The following CFAP43 variants were observed in gnomAD, a reference collection of about 807,000 sequenced individuals.
CFAP43 encodes cilia and flagella associated protein 43.
In CFAP43, 155 loss-of-function variants were observed where a neutral mutation model predicts 218.9. The observed-to-expected ratio is 0.71, with a 90% CI of 0.62 to 0.81. CFAP43 has a LOEUF of 0.81. Ranked by LOEUF, CFAP43 falls within the 30% of genes least tolerant of loss-of-function variation. The pLI is 0.00. For synonymous variants in CFAP43, 645 were observed against 681.3 expected, an observed-to-expected ratio of 0.95 and a Z score of 0.83; for missense variants, 1,778 against 1,954.3, an observed-to-expected ratio of 0.91 and a Z score of 1.70.
At position 104,135,829 on chromosome 10, in the gene CFAP43, C is replaced by CT. The variant is rs937489884; in HGVS notation, c.4432-2046dup. On this transcript the variant is annotated intron_variant, in intron 34 of 37. Coordinates refer to ENST00000357060, the MANE Select transcript of CFAP43 (RefSeq NM_025145.7). ...GCAATCACTGCCAAAATTTCAATGG[C>CT]TTTTTTTTTTCAAATGGAAAAACCT... Among the ~76,000 whole-genome samples, 347 of 147,686 alleles carry CT rather than the reference C, an allele frequency of 2.3e-3. 2 individuals carry two copies. The highest frequency in any genetic ancestry group is 7.6e-3 in the African/African-American group (308 of 40,330).
chr10:104,175,771 T>G (rs1336324108), intron 19 of CFAP43, among the ~76,000 whole-genome samples: 1 of 152,256 alleles, frequency 6.6e-6, no homozygotes. Flanking sequence ...AAGTTTCTAC[T>G]GAATGTGCGT....
At chr10:104,192,413 T>C (rs2090256350) in intron 11 of CFAP43, 111 bp from the exon 12 acceptor site, 5 of 796,858 alleles carry the variant, frequency 6.3e-6, no homozygotes, top group Non-Finnish European at 1.0e-5. Flanking sequence ...ATTTTTACGG[T>C]TTGCAATTTT....
intron 29 of CFAP43, 120 bp downstream of exon 29, chr10:104,147,771 C>T: frequency 3.7e-6 from 2 of 538,060 alleles, no homozygotes; most frequent in South Asian, 1.3e-4. Flanking sequence ...AAGGGATGCA[C>T]ATGGTTATGT....
chr10:104,200,670 CAAAAAAAAAAAAA>C (rs71022722), intron 8 of CFAP43, among the ~76,000 whole-genome samples: 327 of 22,658 alleles, frequency 0.014, 4 homozygotes, highest in South Asian at 0.039. Context: ...GACTCTGTCT[CAAAAAAAAAAAAA>C]AAAAAAAAAA....
At position 104,152,658 on chromosome 10, in the gene CFAP43, A is replaced by G; in HGVS notation, c.3609T>C (p.His1203=). 1 of 1,613,844 alleles carries G rather than the reference A, an allele frequency of 6.2e-7. No homozygotes were observed. Among genetic ancestry groups the G allele is most frequent in the Non-Finnish European group, 8.5e-7 (1 of 1,179,860 alleles). ...IQESTQAFDE[H]LKRLFERRVK... ...CTCTCCTTTCAAAAAGTCTTTTCAA[A>G]TGTTCATCAAAGGCCTGTGTGCTTT... Residue 1203 remains histidine, a synonymous_variant, in exon 28 of 38, where the codon CAT becomes CAC. Coordinates refer to ENST00000357060, the MANE Select transcript of CFAP43 (RefSeq NM_025145.7).
Position 104,167,700 on chromosome 10 carries a change from A to T in CFAP43, c.2729T>A (p.Met910Lys), listed in dbSNP as rs755067932. Reference protein sequence around the residue: ...HIPCVVENFPMKARTVEELKE... With the variant: ...HIPCVVENFPKKARTVEELKE... Reference sequence around the variant, plus strand: ...CAGCTCTTCAACCGTGCGCGCTTTCATCGGGAAGTTTTCAACCACACAGGG... The same window carrying T: ...CAGCTCTTCAACCGTGCGCGCTTTCTTCGGGAAGTTTTCAACCACACAGGG... The change falls in exon 22 of 38, where the codon ATG (methionine) becomes AAG (lysine). Residue 910 changes from methionine to lysine, a missense_variant. Coordinates refer to ENST00000357060, the MANE Select transcript of CFAP43 (RefSeq NM_025145.7). 3 of 1,611,082 alleles carry T rather than the reference A, an allele frequency of 1.9e-6. No individual in the cohort carries two copies. In the South Asian group the frequency reaches 3.3e-5, roughly 18 times the overall value.
At chr10:104,177,461 A>G (rs2089672629) in intron 19 of CFAP43, among the ~76,000 whole-genome samples, 1 of 152,182 alleles carries the variant, frequency 6.6e-6, no homozygotes, top group African/African-American at 2.4e-5. Flanking sequence ...CCCTGGTCTT[A>G]GTCTTCTGCC....
intron 27 of CFAP43, among the ~76,000 whole-genome samples, chr10:104,153,773 TCTC>T (rs1186335529): frequency 6.6e-6 from 1 of 151,942 alleles, no homozygotes; most frequent in African/African-American, 2.4e-5. Context: ...TCTCTCTCTC[TCTC>T]TCTCTCTTCT....
At chr10:104,219,866 G>A (rs1234728527) in intron 3 of CFAP43, among the ~76,000 whole-genome samples, 1 of 152,054 alleles carries the variant, frequency 6.6e-6, no homozygotes, top group Admixed American at 6.6e-5. Flanking sequence ...CTCTGCCTAG[G>A]ATGTTCTTTC....
chr10:104,208,226 G>GT (rs922685535), intron 5 of CFAP43, among the ~76,000 whole-genome samples: 3 of 151,958 alleles, frequency 2.0e-5, no homozygotes, highest in South Asian at 4.1e-4. Flanking sequence ...AGTTTCCTGA[G>GT]TTTTTTTTAT....
intron 10 of CFAP43, among the ~76,000 whole-genome samples, chr10:104,196,528 TCC>T (rs2090385841): frequency 6.6e-6 from 1 of 152,124 alleles, no homozygotes; most frequent in African/African-American, 2.4e-5. Flanking sequence ...TCAGCCTGGC[TCC>T]CTGAGAGACT....
At chr10:104,141,176 T>A (rs934256564) in intron 33 of CFAP43, among the ~76,000 whole-genome samples, 175 bp from the exon 34 acceptor site, 37 of 152,202 alleles carry the variant, frequency 2.4e-4, no homozygotes, top group African/African-American at 8.7e-4. Flanking sequence ...TTCCTATTGA[T>A]GCAGAATTAT....
intron 10 of CFAP43, among the ~76,000 whole-genome samples, chr10:104,195,540 T>C (rs1172229441): frequency 6.6e-6 from 1 of 152,226 alleles, no homozygotes; most frequent in Non-Finnish European, 1.5e-5. Context: ...CACATTGAAT[T>C]ATGTATCTTT....
intron 19 of CFAP43, among the ~76,000 whole-genome samples, chr10:104,176,176 T>C (rs1347851077): frequency 6.6e-6 from 1 of 152,120 alleles, no homozygotes; most frequent in Non-Finnish European, 1.5e-5. Context: ...TATTCAATCT[T>C]AGAACAGAGT....
chr10:104,182,282 G>T, intron 17 of CFAP43, 84 bp downstream of exon 17: 5 of 1,385,402 alleles, frequency 3.6e-6, no homozygotes, highest in South Asian at 3.3e-5. Context: ...CTAAATATCT[G>T]CTTAAAGAAA....
chr10:104,153,555 T>A (rs1309520088), intron 27 of CFAP43, among the ~76,000 whole-genome samples: 1 of 152,174 alleles, frequency 6.6e-6, no homozygotes, highest in Admixed American at 6.6e-5. Flanking sequence ...CCCACAAAAA[T>A]TAAAATTAAA....
chr10:104,140,268 G>A (rs2087645932), intron 34 of CFAP43, among the ~76,000 whole-genome samples: 1 of 152,090 alleles, frequency 6.6e-6, no homozygotes, highest in African/African-American at 2.4e-5. Context: ...CTAAAAAAAC[G>A]ATGGCATACT....
In CFAP43 at chr10:104,172,644, T is replaced by C. The variant is rs988626610; in HGVS notation, c.2461-109A>G. On this transcript the variant is annotated intron_variant, in intron 19 of 37. Transcript: ENST00000357060. ...AATCAATAAAAAATAGATGTTCTAT[T>C]TATCAAAATGTACTACTAAGTAAAT... The C allele has an allele frequency of 3.0e-5, 29 of 973,626 alleles. 1 individual carries two copies. The African/African-American group carries it at 3.4e-4, about 11-fold the overall frequency. 60.3% of individuals were successfully genotyped at this position (973,626 alleles called of 1,614,324 possible).
chr10:104,144,832 G>A lies in CFAP43; in HGVS notation c.3944+644C>T, dbSNP rs117279092. Among the ~76,000 whole-genome samples, 102 of 152,336 alleles carry A rather than the reference G, an allele frequency of 6.7e-4. No individual in the cohort carries two copies. In the East Asian group the frequency reaches 0.018, roughly 28 times the overall value. On this transcript the variant is annotated intron_variant, in intron 31 of 37. Transcript: ENST00000357060. ...TCTGCATTTATAATGGTGGAAATCA[G>A]TGATACTTTCTTAGAACTCTTTTCA...
Sources: gnomAD v4.1 joint callset for allele counts (sites outside exome capture counted in the v4.1 genomes callset) on GRCh38, gnomAD v4.1.1 for gene constraint, MANE v1.5 for transcripts, NCBI Gene and HGNC (gene_info 2026-07-23, HGNC 2026-07-21) for gene names.